ING5: variants seen among roughly 807,000 people sequenced by gnomAD.
ING5 encodes inhibitor of growth protein 5.
ING5 carries 17 observed loss-of-function variants against 37.4 expected under a neutral mutation model. That is an observed-to-expected ratio of 0.45 (90% CI 0.31 to 0.68). ING5 has a LOEUF of 0.68. ING5 is among the 30% of genes least tolerant of loss of function. ING5 has a pLI of 0.05. For synonymous variants in ING5, 123 were observed against 116.6 expected, an observed-to-expected ratio of 1.06 and a Z score of -0.36; for missense variants, 233 against 311.9, an observed-to-expected ratio of 0.75 and a Z score of 1.91.
chr2:241,707,988 C>G (rs971738608), intron 2 of ING5, among the ~76,000 whole-genome samples: 1 of 152,180 alleles, frequency 6.6e-6, no homozygotes, highest in East Asian at 1.9e-4. Context: ...ACCTCTGCCT[C>G]CTGGGTGCAA....
chr2:241,691,495 C>T (rs2069554810), intron 2 of ING5, among the ~76,000 whole-genome samples: 1 of 151,550 alleles, frequency 6.6e-6, no homozygotes, highest in South Asian at 2.1e-4. Flanking sequence ...TTTTGCTAGT[C>T]CCTGTTTCTT....
At chr2:241,721,150 G>A (rs1334551402) in intron 5 of ING5, 10 of 985,468 alleles carry the variant, frequency 1.0e-5, no homozygotes, top group East Asian at 1.1e-4. Flanking sequence ...CCTGCTCTCC[G>A]CGGGTGAGAG....
At chr2:241,702,756 C>G (rs2069783341) in intron 1 of ING5, among the ~76,000 whole-genome samples, 1 of 152,256 alleles carries the variant, frequency 6.6e-6, no homozygotes, top group Non-Finnish European at 1.5e-5. Flanking sequence ...GGTGCTTTCC[C>G]TCACTTTACA....
Position 241,722,619 on chromosome 2 carries a change from C to T in ING5, c.483-320C>T, listed in dbSNP as rs575766729. ...CTTGCTGCGCCTTCTTAGAACATTG[C>T]GTGTTCAGAGGGGTTATTGAGGTTT... On this transcript the variant is annotated intron_variant, in intron 5 of 7. Transcript: ENST00000313552. 3.0e-5 allele frequency: 30 copies of T among 985,276 alleles called. No homozygotes were observed. The East Asian group carries it at 2.0e-3, about 67-fold the overall frequency. The allele number at this position is 985,276 out of a possible 1,614,324, so 61.0% of individuals were successfully genotyped here. A position where few individuals can be genotyped will look rare whatever the true frequency, so the allele number is the denominator to read the frequency against.
intron 5 of ING5, chr2:241,720,330 A>C: frequency 8.2e-7 from 1 of 1,217,988 alleles, no homozygotes; most frequent in Non-Finnish European, 1.0e-6. Flanking sequence ...GCCTCAAGGC[A>C]GGTCCTGTTC....
chr2:241,700,679 T>A (rs2069702921), upstream of ING5, among the ~76,000 whole-genome samples: 1 of 152,134 alleles, frequency 6.6e-6, no homozygotes, highest in Non-Finnish European at 1.5e-5. Context: ...CAAGCTGCAG[T>A]GCAGTTACAT....
intron 5 of ING5, among the ~76,000 whole-genome samples, chr2:241,716,527 C>T (rs1199334663): frequency 2.7e-5 from 4 of 150,910 alleles, no homozygotes; most frequent in South Asian, 4.2e-4. Context: ...ACCCCTGACC[C>T]CAAGTGATCC....
At chr2:241,694,726 T>G (rs555840821) in intron 2 of ING5, among the ~76,000 whole-genome samples, 1 of 148,434 alleles carries the variant, frequency 6.7e-6, no homozygotes, top group South Asian at 2.2e-4. Context: ...GCACTTAAAA[T>G]GTGCAATACT....
chr2:241,711,613 C>G, intron 4 of ING5, 125 bp downstream of exon 4: 1 of 746,178 alleles, frequency 1.3e-6, no homozygotes. Context: ...TAAACCTTGT[C>G]TTGCAGGCTG....
At chr2:241,724,664 A>C (rs1023991259) in intron 7 of ING5, 13 of 402,876 alleles carry the variant, frequency 3.2e-5, no homozygotes, top group African/African-American at 2.4e-4. Context: ...TGCAGCCCCC[A>C]CAGACTGCAG....
At position 241,725,209 on chromosome 2, in the gene ING5, C is replaced by CG. The variant is rs2124958395; in HGVS notation, c.*179dup. ...ACCAAAGCCTGTTCGCACAGAAGGGCGACCTTGCAGGGACTCGCCGCCGCG... is the reference window on the plus strand; with the variant it reads ...ACCAAAGCCTGTTCGCACAGAAGGGCGGACCTTGCAGGGACTCGCCGCCGCG... On this transcript the variant is annotated 3_prime_UTR_variant, in exon 8 of 8. Transcript: ENST00000313552. 1.4e-6 allele frequency: 1 copy of CG among 695,028 alleles called. No individual in the cohort carries two copies. Among genetic ancestry groups the CG allele is most frequent in the East Asian group, 2.7e-5 (1 of 36,510 alleles). 43.1% of individuals were successfully genotyped at this position (695,028 alleles called of 1,614,324 possible). A position where few individuals can be genotyped will look rare whatever the true frequency, so the allele number is the denominator to read the frequency against.
intron 2 of ING5, among the ~76,000 whole-genome samples, chr2:241,695,846 C>G (rs1214747474): frequency 6.6e-6 from 1 of 152,178 alleles, no homozygotes; most frequent in African/African-American, 2.4e-5. Context: ...TTGTTAAAGT[C>G]TGATACACCA....
In ING5 at chr2:241,725,604, G is replaced by GC. The variant is rs1691589337; in HGVS notation, c.*575dup. 6.6e-6 allele frequency: 1 copy of GC among 152,510 alleles called. No individual in the cohort carries two copies. Among genetic ancestry groups the GC allele is most frequent in the African/African-American group, 2.4e-5 (1 of 41,460 alleles). The allele number at this position is 152,510 out of a possible 1,614,324, so 9.4% of individuals were successfully genotyped here. ...TGGGGGCTCTTCCCTGGAGGAAGCG[G>GC]CCTCCGCTTCGCTGGCGCCGCCTTT... is the stretch of plus-strand genomic sequence containing the variant. On this transcript the variant is annotated 3_prime_UTR_variant, in exon 8 of 8. Transcript: ENST00000313552.
Position 241,711,501 on chromosome 2 carries a change from A to G in ING5, c.388+13A>G. ...CGAGGGTTAAAAAGCAAGTCTGTTA[A>G]TTTTTTTTCTTTATTTTATTACTGT... On this transcript the variant is annotated intron_variant, in intron 4 of 7. Coordinates refer to ENST00000313552, the MANE Select transcript of ING5 (RefSeq NM_032329.6). 6.4e-7 allele frequency: 1 copy of G among 1,560,698 alleles called. No individual in the cohort carries two copies. The highest frequency in any genetic ancestry group is 8.7e-7 in the Non-Finnish European group (1 of 1,147,360).
chr2:241,722,763 CA>C, intron 5 of ING5, 175 bp from the exon 6 acceptor site: 2 of 985,368 alleles, frequency 2.0e-6, no homozygotes, highest in Non-Finnish European at 2.4e-6. Flanking sequence ...AAAATGGAAG[CA>C]AGCTTATTCA....
At position 241,704,634 on chromosome 2, in the gene ING5, C is replaced by G; in HGVS notation, c.38-19C>G. On this transcript the variant is annotated intron_variant, in intron 1 of 7. Transcript: ENST00000313552. ...CTTGCTGCTGAGAGGTACATGGCTT[C>G]TGTGTTTTTGCGTTTCAGGTATCGA... 1 of 1,610,310 alleles carries G rather than the reference C, an allele frequency of 6.2e-7. No homozygotes were observed. The highest frequency in any genetic ancestry group is 2.2e-5 in the East Asian group (1 of 44,866).
intron 7 of ING5, 196 bp from the exon 8 acceptor site, chr2:241,724,793 C>G: frequency 1.7e-6 from 1 of 593,440 alleles, no homozygotes; most frequent in Admixed American, 3.0e-5. Context: ...GCTTCAGAAC[C>G]GGCGTCCTGC....
chr2:241,718,353 TTCCCTCCCTCCCTCCCTTCCTCCC>T (rs2070333860), intron 5 of ING5, among the ~76,000 whole-genome samples: 1 of 127,534 alleles, frequency 7.8e-6, no homozygotes, highest in South Asian at 3.0e-4. Context: ...TCCTTCCTCC[TTCCCTCCCTCCCTCCCTTCCTCCC>T]TCCCTCCCTT....
chr2:241,698,496 A>AGTGT (rs199798593), upstream of ING5, among the ~76,000 whole-genome samples: 2,035 of 147,508 alleles, frequency 0.014, 27 homozygotes, highest in South Asian at 0.035. Flanking sequence ...ATAATAGAGG[A>AGTGT]GTGTGTGTGT....
Sources: allele counts gnomAD v4.1 joint callset (sites outside exome capture counted in the v4.1 genomes callset), GRCh38; gene constraint gnomAD v4.1.1; transcripts MANE v1.5; gene names NCBI Gene and HGNC (gene_info 2026-07-23, HGNC 2026-07-21).